The following TNS3 variants were observed in gnomAD, a reference collection of about 807,000 sequenced individuals.
The protein encoded by TNS3 is tensin 3, also known as tensin-3.
A neutral mutation model predicts 140.9 loss-of-function variants in TNS3; 45 were observed. The ratio of observed to expected loss-of-function variants is 0.32; its 90% CI spans 0.25 to 0.41. The LOEUF is 0.41. Ranked by LOEUF, TNS3 falls within the 10% of genes least tolerant of loss-of-function variation. The pLI is 1.00. For synonymous variants in TNS3, 815 were observed against 788.4 expected (o/e 1.03, Z -0.56); for missense variants, 1,716 against 1,906.7 (o/e 0.90, Z 1.86).
intron 3 of TNS3, among the ~76,000 whole-genome samples, chr7:47,500,625 A>G (rs965996296): frequency 2.0e-5 from 3 of 152,194 alleles, no homozygotes; most frequent in Non-Finnish European, 4.4e-5. Context: ...TGACATCCCT[A>G]AAAATCCTAT....
chr7:47,506,773 C>T (rs2151881368), intron 3 of TNS3, 134 bp downstream of exon 3: 3 of 518,246 alleles, frequency 5.8e-6, no homozygotes, highest in Non-Finnish European at 6.2e-6. Context: ...AAGTATACAC[C>T]GTACCCCAGC....
chr7:47,485,258 C>T (rs1164524191), intron 3 of TNS3, among the ~76,000 whole-genome samples: 1 of 152,218 alleles, frequency 6.6e-6, no homozygotes, highest in Non-Finnish European at 1.5e-5. Context: ...CTGGGGAGGC[C>T]CACGGCTCAT....
At chr7:47,526,633 G>A (rs1260000410) in intron 2 of TNS3, among the ~76,000 whole-genome samples, 1 of 152,210 alleles carries the variant, frequency 6.6e-6, no homozygotes, top group Admixed American at 6.5e-5. Flanking sequence ...GCATCTGACA[G>A]GCAGAAGTCA....
intron 17 of TNS3, among the ~76,000 whole-genome samples, chr7:47,346,656 T>C (rs1304758474): frequency 6.6e-6 from 1 of 152,108 alleles, no homozygotes; most frequent in Non-Finnish European, 1.5e-5. Flanking sequence ...CTCTCAGTGC[T>C]GGGAAAGGAC....
In TNS3 at chr7:47,296,797, C is replaced by T. The variant is rs113047656; in HGVS notation, c.3676+285G>A. 2.7e-3 allele frequency among the ~76,000 whole-genome samples: 412 copies of T among 152,024 alleles called. 1 individual carries two copies. The highest frequency in any genetic ancestry group is 3.7e-3 in the Non-Finnish European group (250 of 67,990). On this transcript the variant is annotated intron_variant, in intron 24 of 30. Coordinates refer to ENST00000311160, the MANE Select transcript of TNS3 (RefSeq NM_022748.12). Reference sequence around the variant, plus strand: ...GACAGGGTGGTGAGGGGGGTAGAGCCGAAATGGAAGCAAAACGGGCTTAGT... The same window carrying T: ...GACAGGGTGGTGAGGGGGGTAGAGCTGAAATGGAAGCAAAACGGGCTTAGT...
chr7:47,292,737 T>A, intron 26 of TNS3, 91 bp downstream of exon 26: 1 of 1,184,124 alleles, frequency 8.4e-7, no homozygotes, highest in Non-Finnish European at 1.2e-6. Context: ...TCTTATTATT[T>A]TTCTCAGTGG....
chr7:47,434,291 G>A (rs191482542), intron 8 of TNS3, among the ~76,000 whole-genome samples: 1 of 144,758 alleles, frequency 6.9e-6, no homozygotes, highest in African/African-American at 2.5e-5. Context: ...CAGTTTTTTA[G>A]TGTAAAAGAG....
intron 10 of TNS3, among the ~76,000 whole-genome samples, chr7:47,418,003 GGGAGGCCAGGC>G (rs1486418846): frequency 6.6e-6 from 1 of 152,172 alleles, no homozygotes; most frequent in Non-Finnish European, 1.5e-5. Flanking sequence ...ATGAAAATAA[GGGAGGCCAGGC>G]GCAGTGGCTC....
intron 2 of TNS3, among the ~76,000 whole-genome samples, chr7:47,522,130 C>T (rs1186881923): frequency 6.6e-6 from 1 of 152,182 alleles, no homozygotes; most frequent in Non-Finnish European, 1.5e-5. Flanking sequence ...ATGGGATGCC[C>T]GCCCCCCAAA....
chr7:47,366,881 A>G (rs537985178), intron 17 of TNS3, among the ~76,000 whole-genome samples: 30 of 152,312 alleles, frequency 2.0e-4, no homozygotes, highest in African/African-American at 6.3e-4. Context: ...AGCATCTCTC[A>G]TCCGTGTTAC....
intron 3 of TNS3, among the ~76,000 whole-genome samples, chr7:47,505,880 C>T (rs1468408613): frequency 3.9e-5 from 6 of 152,138 alleles, no homozygotes; most frequent in Non-Finnish European, 8.8e-5. Flanking sequence ...TGCCTGAGAT[C>T]GGGAGGGTCG....
At chr7:47,472,933 C>T (rs866820940) in intron 4 of TNS3, among the ~76,000 whole-genome samples, 1 of 152,184 alleles carries the variant, frequency 6.6e-6, no homozygotes, top group East Asian at 1.9e-4. Flanking sequence ...TCCAGAGGGG[C>T]GCTGGGTGAG....
chr7:47,433,255 C>T (rs1188092979), intron 8 of TNS3, among the ~76,000 whole-genome samples: 1 of 152,242 alleles, frequency 6.6e-6, no homozygotes, highest in African/African-American at 2.4e-5. Context: ...GCGATTTCAC[C>T]CCCGCAGTGA....
intron 26 of TNS3, 66 bp downstream of exon 26, chr7:47,292,762 C>G: frequency 7.0e-7 from 1 of 1,421,272 alleles, no homozygotes; most frequent in South Asian, 1.2e-5. Flanking sequence ...TCATGGATCT[C>G]TAAAACCGGT....
At chr7:47,321,276 G>T (rs1054541910) in intron 20 of TNS3, among the ~76,000 whole-genome samples, 6 of 152,148 alleles carry the variant, frequency 3.9e-5, no homozygotes, top group African/African-American at 1.2e-4. Context: ...TGATGCAAGG[G>T]TCTCATTCTC....
intron 8 of TNS3, among the ~76,000 whole-genome samples, chr7:47,431,900 C>T (rs935295932): frequency 4.6e-5 from 7 of 152,082 alleles, no homozygotes; most frequent in Non-Finnish European, 8.8e-5. Flanking sequence ...AAGTACATAG[C>T]AATAAATTGG....
At chr7:47,278,480 G>C in intron 30 of TNS3, 1 of 447,740 alleles carries the variant, frequency 2.2e-6, no homozygotes, top group Non-Finnish European at 4.0e-6. Flanking sequence ...ACAGCCCCAG[G>C]TTAGGACCTG....
At chr7:47,389,075 GAAGAAGAA>G (rs1792306300) in intron 16 of TNS3, among the ~76,000 whole-genome samples, 2 of 69,232 alleles carry the variant, frequency 2.9e-5, no homozygotes, top group African/African-American at 1.4e-4. Flanking sequence ...AGAAGAAGAA[GAAGAAGAA>G]GAGGAAGAGG....
intron 1 of TNS3, among the ~76,000 whole-genome samples, chr7:47,549,075 G>A (rs1007970536): frequency 5.3e-5 from 8 of 152,164 alleles, no homozygotes; most frequent in African/African-American, 9.7e-5. Context: ...CCACTGAACT[G>A]ACCATCTCTG....
Sources: gnomAD v4.1 joint callset for allele counts (sites outside exome capture counted in the v4.1 genomes callset) on GRCh38, gnomAD v4.1.1 for gene constraint, MANE v1.5 for transcripts, NCBI Gene and HGNC (gene_info 2026-07-23, HGNC 2026-07-21) for gene names.